The following IGF1 variants were observed in gnomAD, a reference collection of about 807,000 sequenced individuals.
IGF1 encodes insulin-like growth factor 1.
IGF1 carries 4 observed loss-of-function variants against 13.8 expected under a neutral mutation model. The observed-to-expected ratio is 0.29, with a 90% CI of 0.14 to 0.66. The LOEUF (loss-of-function observed/expected upper bound fraction) is 0.66. Among genes scored for constraint, IGF1 ranks in the 30% least tolerant of loss-of-function variants. IGF1 has a pLI of 0.78. For synonymous variants in IGF1, 76 were observed against 72.6 expected (o/e 1.05, Z -0.23); for missense variants, 124 against 188.5 (o/e 0.66, Z 2.00).
At chr12:102,432,738 T>C (rs1396415222) in intron 2 of IGF1, among the ~76,000 whole-genome samples, 1 of 152,222 alleles carries the variant, frequency 6.6e-6, no homozygotes, top group Non-Finnish European at 1.5e-5. Context: ...ATGAAATTGA[T>C]GACAAGGGAC....
intron 2 of IGF1, among the ~76,000 whole-genome samples, chr12:102,442,455 A>C (rs1284237124): frequency 6.6e-6 from 1 of 152,038 alleles, no homozygotes; most frequent in Non-Finnish European, 1.5e-5. Flanking sequence ...ACCTTTTTCC[A>C]CAGTGACTTT....
At chr12:102,421,806 T>C (rs571132094) in intron 2 of IGF1, among the ~76,000 whole-genome samples, 59 of 152,308 alleles carry the variant, frequency 3.9e-4, no homozygotes, top group South Asian at 6.2e-4. Flanking sequence ...CTATTTAGTA[T>C]TTCCCTTTCA....
Position 102,480,411 on chromosome 12 carries a change from A to T in IGF1, c.-30T>A, listed in dbSNP as rs575756317. 1 of 1,613,144 alleles carries T rather than the reference A, an allele frequency of 6.2e-7. No individual in the cohort carries two copies. The highest frequency in any genetic ancestry group is 2.2e-5 in the East Asian group (1 of 44,850). ...TCTGAAGTACAAAGTCTGAAAATGA[A>T]TTGGTTAGCAGGAATAATGAAGCAA... On this transcript the variant is annotated 5_prime_UTR_variant, in exon 1 of 4. Coordinates refer to ENST00000337514, the MANE Select transcript of IGF1 (RefSeq NM_000618.5).
In IGF1 at chr12:102,469,252, C is replaced by T. The variant is rs117100540; in HGVS notation, c.220+6391G>A. Among the ~76,000 whole-genome samples, 451 of 152,268 alleles carry T rather than the reference C, an allele frequency of 3.0e-3. 19 individuals carry two copies. The East Asian group carries it at 0.073, about 25-fold the overall frequency. On this transcript the variant is annotated intron_variant, in intron 2 of 3. Coordinates refer to ENST00000337514, the MANE Select transcript of IGF1 (RefSeq NM_000618.5). ...TCCCATTACTACGACTCTAATAGCACCCCAAGAAAAAGTTTGGTCCAATTA... is the reference window on the plus strand; with the variant it reads ...TCCCATTACTACGACTCTAATAGCATCCCAAGAAAAAGTTTGGTCCAATTA...
At chr12:102,464,107 C>A (rs1309605413) in intron 2 of IGF1, among the ~76,000 whole-genome samples, 4 of 152,142 alleles carry the variant, frequency 2.6e-5, no homozygotes, top group African/African-American at 9.7e-5. Context: ...CAACACTACT[C>A]CTTTTAAATA....
chr12:102,446,338 C>T (rs1325670374), intron 2 of IGF1, among the ~76,000 whole-genome samples: 1 of 152,078 alleles, frequency 6.6e-6, no homozygotes, highest in Non-Finnish European at 1.5e-5. Flanking sequence ...TTCGGCTATG[C>T]ATCCATCTGG....
rs369651049 is a variant in IGF1 at position 102,419,571 on chromosome 12, G to C, written c.340C>G (p.Pro114Ala). The change falls in exon 3 of 4, where the codon CCT becomes GCT. Residue 114 changes from proline to alanine, a missense_variant. By Grantham distance (27) the Pro-to-Ala change is conservative. Around this residue, in one of 2 missense-constraint regions of IGF1, gnomAD observed 99 missense variants for 171.4 expected, o/e 0.58. Coordinates refer to ENST00000337514, the MANE Select transcript of IGF1 (RefSeq NM_000618.5). ...CGGACAGAGCGAGCTGACTTGGCAGGCTTGAGGGGTGCGCAATACATCTCC... is the reference window on the plus strand; with the variant it reads ...CGGACAGAGCGAGCTGACTTGGCAGCCTTGAGGGGTGCGCAATACATCTCC... Reference protein sequence around the residue: ...RLEMYCAPLKPAKSARSVRAQ... With the variant: ...RLEMYCAPLKAAKSARSVRAQ... The C allele has an allele frequency of 3.3e-5, 53 of 1,613,812 alleles. 1 individual carries two copies. The South Asian group carries it at 4.7e-4, about 14-fold the overall frequency.
At chr12:102,463,358 C>T (rs867867256) in intron 2 of IGF1, 7 of 152,178 alleles carry the variant, frequency 4.6e-5, no homozygotes, top group African/African-American at 1.4e-4. Context: ...GGAAGATCTT[C>T]GTGGAAGACT....
chr12:102,449,277 C>T (rs1878687563), intron 2 of IGF1, among the ~76,000 whole-genome samples: 1 of 151,638 alleles, frequency 6.6e-6, no homozygotes, highest in African/African-American at 2.4e-5. Context: ...AAACCATTCT[C>T]AGCAAACTAA....
chr12:102,429,551 T>G (rs1876553382), intron 2 of IGF1, among the ~76,000 whole-genome samples: 1 of 152,152 alleles, frequency 6.6e-6, no homozygotes, highest in Admixed American at 6.5e-5. Flanking sequence ...TAAGTTACAG[T>G]TTGTCTCCAA....
At chr12:102,478,782 G>T in intron 1 of IGF1, 1 of 526,818 alleles carries the variant, frequency 1.9e-6, no homozygotes, top group Non-Finnish European at 3.0e-6. Flanking sequence ...TAGCAGCCCA[G>T]ATAGTGACCC....
intron 2 of IGF1, among the ~76,000 whole-genome samples, chr12:102,433,704 A>G (rs1876947496): frequency 6.6e-6 from 1 of 152,202 alleles, no homozygotes; most frequent in African/African-American, 2.4e-5. Flanking sequence ...CACTTCACAA[A>G]TGCTCACTGA....
chr12:102,406,062 T>C (rs918819167), intron 3 of IGF1, among the ~76,000 whole-genome samples: 4 of 152,258 alleles, frequency 2.6e-5, no homozygotes, highest in African/African-American at 9.6e-5. Flanking sequence ...GTGAAGCAGA[T>C]GCTGTACCAA....
chr12:102,462,795 G>T (rs529559159), intron 2 of IGF1: 3 of 152,328 alleles, frequency 2.0e-5, no homozygotes, highest in African/African-American at 7.2e-5. Flanking sequence ...CAAATTGAGA[G>T]ACTGGAATTA....
intron 2 of IGF1, among the ~76,000 whole-genome samples, chr12:102,462,562 G>C (rs969281150): frequency 6.6e-6 from 1 of 152,154 alleles, no homozygotes; most frequent in East Asian, 1.9e-4. Flanking sequence ...ATAATCTACA[G>C]AAATGCCAGC....
intron 2 of IGF1, among the ~76,000 whole-genome samples, chr12:102,465,515 C>T (rs1371114603): frequency 6.6e-6 from 1 of 152,128 alleles, no homozygotes; most frequent in African/African-American, 2.4e-5. Flanking sequence ...TGATAGGACT[C>T]AGATAGGAAA....
At position 102,479,732 on chromosome 12, in the gene IGF1, A is replaced by G. The variant is rs965105149; in HGVS notation, c.63+587T>C. Among the ~76,000 whole-genome samples, 10 of 152,280 alleles carry G rather than the reference A, an allele frequency of 6.6e-5. 1 individual carries two copies. Among genetic ancestry groups the G allele is most frequent in the Admixed American group, 6.5e-4 (10 of 15,302 alleles). ...TTGTCAAGGAGTTCTTTTTTGGAAGAACAAATTACACTTTACTCTAACTTT... is the reference window on the plus strand; with the variant it reads ...TTGTCAAGGAGTTCTTTTTTGGAAGGACAAATTACACTTTACTCTAACTTT... On this transcript the variant is annotated intron_variant, in intron 1 of 3. Transcript: ENST00000337514.
At chr12:102,455,246 A>G (rs1451321923) in intron 2 of IGF1, among the ~76,000 whole-genome samples, 1 of 152,266 alleles carries the variant, frequency 6.6e-6, no homozygotes, top group Non-Finnish European at 1.5e-5. Context: ...ATGCACAGCA[A>G]GTGCAGTTAA....
At chr12:102,475,510 G>T in intron 2 of IGF1, 133 bp downstream of exon 2, 1 of 1,009,256 alleles carries the variant, frequency 9.9e-7, no homozygotes, top group Non-Finnish European at 1.5e-6. Flanking sequence ...TTTAAGGTGA[G>T]GAATCTCAGA....
Sources: allele counts gnomAD v4.1 joint callset (sites outside exome capture counted in the v4.1 genomes callset), GRCh38; gene constraint gnomAD v4.1.1; regional missense constraint gnomAD v4.1.1; transcripts MANE v1.5; gene names NCBI Gene and HGNC (gene_info 2026-07-23, HGNC 2026-07-21).